Variants in MDGA2 observed in about 807,000 individuals in gnomAD.
MDGA2 encodes MAM domain-containing glycosylphosphatidylinositol anchor protein 2.
In MDGA2, 40 loss-of-function variants were observed where a neutral mutation model predicts 117.8. That is an observed-to-expected ratio of 0.34 (90% CI 0.26 to 0.44). MDGA2 has a LOEUF of 0.44. Ranked by LOEUF, MDGA2 falls within the 20% of genes least tolerant of loss-of-function variation. The pLI, the probability that MDGA2 is intolerant of heterozygous loss-of-function variation, is 1.00. For synonymous variants in MDGA2, 452 were observed against 439.0 expected (o/e 1.03, Z -0.37); for missense variants, 1,123 against 1,250.6 (o/e 0.90, Z 1.54).
intron 14 of MDGA2, among the ~76,000 whole-genome samples, chr14:46,865,348 T>C (rs1472230318): frequency 6.6e-6 from 1 of 152,138 alleles, no homozygotes; most frequent in Admixed American, 6.6e-5. Flanking sequence ...CAACGCTTCA[T>C]GCTAAAAACT....
In MDGA2 at chr14:47,509,519, A is replaced by T. The variant is rs541923135; in HGVS notation, c.280+164998T>A. ...CACCTACCTTTCAAAGGATATGACG[A>T]CCTGGCACAGCCACAGGTGTGGGAC... On this transcript the variant is annotated intron_variant, in intron 1 of 16. Transcript: ENST00000399232. Among the ~76,000 whole-genome samples, 4 of 152,214 alleles carry T rather than the reference A, an allele frequency of 2.6e-5. No individual in the cohort carries two copies. The South Asian group carries it at 8.3e-4, about 32-fold the overall frequency.
At position 47,675,054 on chromosome 14, in the gene MDGA2, G is replaced by C. The variant is rs1898156802; in HGVS notation, c.-258C>G. 5.9e-6 allele frequency: 1 copy of C among 170,314 alleles called. No individual in the cohort carries two copies. Among genetic ancestry groups the C allele is most frequent in the Admixed American group, 6.4e-5 (1 of 15,744 alleles). The allele number at this position is 170,314 out of a possible 1,614,324, so 10.6% of individuals were successfully genotyped here. On this transcript the variant is annotated 5_prime_UTR_variant, in exon 1 of 17. Transcript: ENST00000399232. ...GGGCAGGGGGCCGGGGGTGCCGCGC[G>C]GTAGGAGCCTGGCTTGGACAGCCGA... is the stretch of plus-strand genomic sequence containing the variant.
intron 6 of MDGA2, among the ~76,000 whole-genome samples, chr14:47,090,383 CA>C (rs11413326): frequency 0.18 from 27,565 of 149,892 alleles, 2,748 homozygotes; most frequent in East Asian, 0.31. Flanking sequence ...ATCCTATCCA[CA>C]AAAAAAAAAT....
intron 3 of MDGA2, among the ~76,000 whole-genome samples, chr14:47,195,595 C>A (rs1168101222): frequency 2.6e-5 from 4 of 151,920 alleles, no homozygotes; most frequent in Non-Finnish European, 5.9e-5. Context: ...ATTTGCAAAA[C>A]TGAAAATCAT....
At chr14:47,173,214 G>A (rs368162314) in intron 3 of MDGA2, among the ~76,000 whole-genome samples, 5 of 152,170 alleles carry the variant, frequency 3.3e-5, no homozygotes, top group Admixed American at 2.0e-4. Flanking sequence ...AACCAAGTTG[G>A]AAAACACTCT....
At chr14:47,351,078 ATTTTT>A (rs36042383) in intron 1 of MDGA2, among the ~76,000 whole-genome samples, 28 of 127,948 alleles carry the variant, frequency 2.2e-4, no homozygotes, top group African/African-American at 7.7e-4. Context: ...GGCCCGGCTA[ATTTTT>A]TTTTTTTTTT....
intron 2 of MDGA2, among the ~76,000 whole-genome samples, chr14:47,260,053 G>A (rs1887745070): frequency 6.6e-6 from 1 of 151,910 alleles, no homozygotes; most frequent in Non-Finnish European, 1.5e-5. Context: ...AGAGATCAAG[G>A]GAGTTAAGAA....
At chr14:47,168,296 A>G (rs1200040328) in intron 3 of MDGA2, among the ~76,000 whole-genome samples, 5 of 151,628 alleles carry the variant, frequency 3.3e-5, no homozygotes, top group Non-Finnish European at 5.9e-5. Flanking sequence ...AAAAAAAAAA[A>G]AAAAAAAAAC....
At chr14:46,965,457 T>G (rs937174492) in intron 8 of MDGA2, among the ~76,000 whole-genome samples, 1 of 152,198 alleles carries the variant, frequency 6.6e-6, no homozygotes, top group Non-Finnish European at 1.5e-5. Flanking sequence ...AGAGTCTGAG[T>G]TGCAAAGCAT....
intron 1 of MDGA2, among the ~76,000 whole-genome samples, chr14:47,437,659 C>T (rs1226183801): frequency 6.6e-6 from 1 of 152,076 alleles, no homozygotes; most frequent in Non-Finnish European, 1.5e-5. Context: ...AACAAATCAG[C>T]CTTCAAATGT....
intron 3 of MDGA2, among the ~76,000 whole-genome samples, chr14:47,177,722 G>A (rs1884531647): frequency 6.6e-6 from 1 of 151,980 alleles, no homozygotes; most frequent in African/African-American, 2.4e-5. Flanking sequence ...AATGGGTGCA[G>A]CACACCAGCA....
chr14:47,115,386 A>G (rs1436225547), intron 5 of MDGA2, among the ~76,000 whole-genome samples: 2 of 151,998 alleles, frequency 1.3e-5, no homozygotes, highest in Non-Finnish European at 2.9e-5. Context: ...GAGGAGACTA[A>G]TTCTAGAAGG....
intron 1 of MDGA2, among the ~76,000 whole-genome samples, chr14:47,443,530 C>T (rs12895728): frequency 0.051 from 7,780 of 151,970 alleles, 268 homozygotes; most frequent in Middle Eastern, 0.1. Flanking sequence ...TATTTGTTTC[C>T]GTATATTTAC....
intron 6 of MDGA2, among the ~76,000 whole-genome samples, chr14:47,071,359 T>A (rs1309870824): frequency 1.3e-5 from 2 of 152,112 alleles, no homozygotes; most frequent in African/African-American, 2.4e-5. Context: ...TCCGGATGTG[T>A]TGGTTAATTA....
intron 3 of MDGA2, among the ~76,000 whole-genome samples, chr14:47,171,241 T>C (rs1040754373): frequency 2.6e-5 from 4 of 152,164 alleles, no homozygotes; most frequent in African/African-American, 7.2e-5. Flanking sequence ...ATATAGAATG[T>C]ACAATGAGAG....
intron 1 of MDGA2, among the ~76,000 whole-genome samples, chr14:47,514,318 C>A (rs7141421): frequency 2.0e-5 from 3 of 151,824 alleles, no homozygotes; most frequent in African/African-American, 7.3e-5. Flanking sequence ...CACTGACGAG[C>A]CATCTTTCAT....
At chr14:47,223,497 G>A (rs1477023062) in intron 2 of MDGA2, among the ~76,000 whole-genome samples, 3 of 152,086 alleles carry the variant, frequency 2.0e-5, no homozygotes, top group African/African-American at 4.8e-5. Context: ...TTTTACAGAA[G>A]GTTCTAGAAG....
At chr14:47,056,631 T>C (rs141327127) in intron 7 of MDGA2, among the ~76,000 whole-genome samples, 31 of 152,274 alleles carry the variant, frequency 2.0e-4, no homozygotes, top group Non-Finnish European at 3.8e-4. Flanking sequence ...GCTTCTGAGT[T>C]TACTATAAAC....
At chr14:47,335,820 G>T (rs1890439622) in intron 1 of MDGA2, among the ~76,000 whole-genome samples, 1 of 147,140 alleles carries the variant, frequency 6.8e-6, no homozygotes, top group Admixed American at 6.8e-5. Flanking sequence ...TTTGAAGCAG[G>T]AAGGCCAGTT....
Sources: gnomAD v4.1 joint callset for allele counts (sites outside exome capture counted in the v4.1 genomes callset) on GRCh38, gnomAD v4.1.1 for gene constraint, MANE v1.5 for transcripts, NCBI Gene and HGNC (gene_info 2026-07-23, HGNC 2026-07-21) for gene names.